The following ZCCHC4 variants were observed in gnomAD, a reference collection of about 807,000 sequenced individuals.
The protein encoded by ZCCHC4 is zinc finger CCHC-type containing 4, also known as rRNA N(6)-adenosine-methyltransferase ZCCHC4.
ZCCHC4 carries 54 observed loss-of-function variants against 67.7 expected under a neutral mutation model. The observed-to-expected ratio is 0.80, with a 90% confidence interval of 0.64 to 1.00. The LOEUF (loss-of-function observed/expected upper bound fraction) is 1.00, where lower values mean the gene tolerates loss of function less well. ZCCHC4 is among the 50% of genes least tolerant of loss of function. ZCCHC4 has a pLI of 0.00. For synonymous variants in ZCCHC4, 198 were observed against 213.5 expected (o/e 0.93, Z 0.63); for missense variants, 609 against 617.0 (o/e 0.99, Z 0.14).
chr4:25,333,520 T>A (rs1719295691), intron 4 of ZCCHC4, 62 bp downstream of exon 4: 1 of 1,549,790 alleles, frequency 6.5e-7, no homozygotes, highest in Non-Finnish European at 8.8e-7. Flanking sequence ...TATGAAGATT[T>A]TATTAAGTAG....
intron 2 of ZCCHC4, among the ~76,000 whole-genome samples, chr4:25,314,388 T>G (rs1382258972): frequency 6.6e-6 from 1 of 152,208 alleles, no homozygotes; most frequent in African/African-American, 2.4e-5. Flanking sequence ...TAAGACTCTC[T>G]GAGGTGGTAA....
At chr4:25,341,013 G>T (rs747744207) in intron 5 of ZCCHC4, among the ~76,000 whole-genome samples, 7 of 151,754 alleles carry the variant, frequency 4.6e-5, no homozygotes, top group Non-Finnish European at 8.8e-5. Context: ...TCTTCCTTAT[G>T]ATTTTTTTTA....
intron 5 of ZCCHC4, among the ~76,000 whole-genome samples, chr4:25,337,321 TTCTC>T (rs759284388): frequency 2.6e-5 from 4 of 152,218 alleles, no homozygotes; most frequent in Non-Finnish European, 5.9e-5. Context: ...GGCTCCCTCT[TTCTC>T]TCTCCACCTC....
intron 5 of ZCCHC4, among the ~76,000 whole-genome samples, chr4:25,340,106 G>T (rs1209478483): frequency 1.3e-5 from 2 of 152,068 alleles, no homozygotes; most frequent in African/African-American, 4.8e-5. Flanking sequence ...CTGACCTCGT[G>T]ATCCACCCGC....
intron 5 of ZCCHC4, among the ~76,000 whole-genome samples, chr4:25,341,389 A>C (rs1231664731): frequency 6.6e-6 from 1 of 152,100 alleles, no homozygotes; most frequent in African/African-American, 2.4e-5. Context: ...TAGAGGTAAT[A>C]AGTGAGTTCT....
At chr4:25,325,241 CAAAAA>C (rs11318046) in intron 3 of ZCCHC4, among the ~76,000 whole-genome samples, 27 of 74,736 alleles carry the variant, frequency 3.6e-4, no homozygotes, top group South Asian at 2.1e-3. Flanking sequence ...GACTCCGTCT[CAAAAA>C]AAAAAAAAAA....
chr4:25,355,180 A>G (rs1720470045), intron 8 of ZCCHC4, among the ~76,000 whole-genome samples: 1 of 152,170 alleles, frequency 6.6e-6, no homozygotes. Context: ...TGATGATGAA[A>G]AGAAACTCTG....
intron 5 of ZCCHC4, among the ~76,000 whole-genome samples, chr4:25,343,144 T>G (rs941703814): frequency 6.6e-6 from 1 of 152,166 alleles, no homozygotes; most frequent in Non-Finnish European, 1.5e-5. Flanking sequence ...TATGTGAAAT[T>G]TAGTTAAATA....
At chr4:25,337,101 C>G (rs187768462) in intron 5 of ZCCHC4, among the ~76,000 whole-genome samples, 1 of 152,186 alleles carries the variant, frequency 6.6e-6, no homozygotes, top group African/African-American at 2.4e-5. Context: ...TCCCTGTATC[C>G]TCCTGCCTTG....
intron 8 of ZCCHC4, chr4:25,361,650 C>T: frequency 1.9e-6 from 1 of 518,818 alleles, no homozygotes; most frequent in Non-Finnish European, 3.4e-6. Context: ...CATGTCGAAA[C>T]TGTCTATGAT....
chr4:25,336,739 G>A (rs1719481239), intron 5 of ZCCHC4, among the ~76,000 whole-genome samples: 1 of 152,104 alleles, frequency 6.6e-6, no homozygotes, highest in South Asian at 2.1e-4. Flanking sequence ...TACTTCCCTC[G>A]GCCTCCCAAA....
intron 3 of ZCCHC4, among the ~76,000 whole-genome samples, chr4:25,332,772 G>A (rs185011048): frequency 6.6e-6 from 1 of 152,284 alleles, no homozygotes; most frequent in East Asian, 1.9e-4. Context: ...CTTGAAGAAT[G>A]ATCTTAATTT....
chr4:25,333,977 T>C lies in ZCCHC4; in HGVS notation c.675T>C (p.Asp225=), dbSNP rs1254468609. 6.3e-7 allele frequency: 1 copy of C among 1,598,240 alleles called. No homozygotes were observed. The highest frequency in any genetic ancestry group is 1.3e-5 in the African/African-American group (1 of 74,302). ...KKSNIKSLLL[D]IDFRYSQFYM... ...CTAACATTAAAAGCCTTTTATTGGA[T>C]ATTGATTTTCGGTAGGTTTACAAAA... Residue 225 remains aspartate (D), a synonymous_variant, in exon 5 of 13, where the codon GAT becomes GAC. Transcript: ENST00000302874.
chr4:25,351,605 A>T lies in ZCCHC4; in HGVS notation c.927A>T (p.Glu309Asp). 3.1e-6 allele frequency: 5 copies of T among 1,610,416 alleles called. No homozygotes were observed. Among genetic ancestry groups the T allele is most frequent in the Non-Finnish European group, 4.2e-6 (5 of 1,178,320 alleles). The change falls in exon 8 of 13, where the codon GAA becomes GAT. Residue 309 changes from glutamate (E) to aspartate (D), a missense_variant. By Grantham distance (45) the Glu-to-Asp change is conservative. Coordinates refer to ENST00000302874, the MANE Select transcript of ZCCHC4 (RefSeq NM_024936.3). ...ATCCATTAGATGACAGTCACAAAGA[A>T]CTACCCATTTTCTGGATTTTCCCCT... ...EGQSQDDSHKELPIFWIFPYF... is the reference protein window; with the variant it reads ...EGQSQDDSHKDLPIFWIFPYF...
intron 3 of ZCCHC4, among the ~76,000 whole-genome samples, chr4:25,320,796 T>A (rs1216100528): frequency 6.6e-6 from 1 of 152,192 alleles, no homozygotes; most frequent in Admixed American, 6.5e-5. Context: ...TGAAGGGCAG[T>A]TTGGAAATAT....
intron 3 of ZCCHC4, among the ~76,000 whole-genome samples, chr4:25,317,773 GGT>G (rs1475244281): frequency 6.6e-6 from 1 of 150,746 alleles, no homozygotes; most frequent in African/African-American, 2.4e-5. Flanking sequence ...CACTGTGCTA[GGT>G]GTTTTACATG....
At position 25,364,493 on chromosome 4, in the gene ZCCHC4, T is replaced by G; in HGVS notation, c.1249T>G (p.Cys417Gly). ...KWNHCFLCKK[C>G]VKPSWIHCSI... ...GAACCATTGCTTTCTCTGTAAAAAG[T>G]GTGTAAAGCCTTGTAAGTATTGAGA... The change falls in exon 11 of 13, where the codon TGT (cysteine) becomes GGT (glycine). Residue 417 changes from cysteine to glycine, a missense_variant. Cys to Gly is a radical substitution (Grantham distance 159). Transcript: ENST00000302874. 1.3e-6 allele frequency: 2 copies of G among 1,551,460 alleles called. No homozygotes were observed. Among genetic ancestry groups the G allele is most frequent in the Non-Finnish European group, 1.7e-6 (2 of 1,154,744 alleles).
At chr4:25,350,959 A>G (rs935480967) in intron 7 of ZCCHC4, among the ~76,000 whole-genome samples, 2 of 152,198 alleles carry the variant, frequency 1.3e-5, no homozygotes. Flanking sequence ...GAATGTACTT[A>G]TTATAGCTTA....
intron 6 of ZCCHC4, among the ~76,000 whole-genome samples, chr4:25,347,771 A>G (rs1263069322): frequency 6.6e-6 from 1 of 152,226 alleles, no homozygotes; most frequent in African/African-American, 2.4e-5. Context: ...TCTCATTGCA[A>G]ATCATAGAGT....
Sources: allele counts gnomAD v4.1 joint callset (sites outside exome capture counted in the v4.1 genomes callset), GRCh38; gene constraint gnomAD v4.1.1; transcripts MANE v1.5; gene names NCBI Gene and HGNC (gene_info 2026-07-23, HGNC 2026-07-21).